Variants in SOBP observed in about 807,000 individuals in gnomAD.
SOBP encodes sine oculis-binding protein homolog.
Under a neutral mutation model 53.6 loss-of-function variants are expected in SOBP, and 4 were observed. The ratio of observed to expected loss-of-function variants is 0.07; its 90% CI spans 0.04 to 0.17. The LOEUF is 0.17. Ranked by LOEUF, SOBP falls within the 10% of genes least tolerant of loss-of-function variation. The pLI is 1.00. For missense variants in SOBP, 1,088 were observed against 1,204.7 expected (o/e 0.90, Z 1.43); for synonymous variants, 584 against 522.6 (o/e 1.12, Z -1.60).
intron 4 of SOBP, among the ~76,000 whole-genome samples, chr6:107,534,834 A>T (rs2114989807): frequency 6.6e-6 from 1 of 152,258 alleles, no homozygotes; most frequent in Middle Eastern, 3.4e-3. Context: ...CCCTGGGAGG[A>T]GCCAGTGAAT....
intron 6 of SOBP, among the ~76,000 whole-genome samples, chr6:107,657,935 G>A (rs1772137341): frequency 6.6e-6 from 1 of 152,106 alleles, no homozygotes; most frequent in Non-Finnish European, 1.5e-5. Flanking sequence ...TTTGGGTGAG[G>A]GCGTGGTGTA....
At chr6:107,543,440 C>T (rs1784209304) in intron 4 of SOBP, among the ~76,000 whole-genome samples, 1 of 152,184 alleles carries the variant, frequency 6.6e-6, no homozygotes, top group African/African-American at 2.4e-5. Context: ...ATGCTCATAC[C>T]TGAATTGGGA....
chr6:107,583,674 T>C (rs1391137336), intron 4 of SOBP, among the ~76,000 whole-genome samples: 2 of 152,074 alleles, frequency 1.3e-5, no homozygotes, highest in African/African-American at 2.4e-5. Flanking sequence ...TACAGGTGCA[T>C]GCCACCACAC....
intron 3 of SOBP, chr6:107,529,720 C>G: frequency 1.8e-6 from 1 of 562,504 alleles, no homozygotes; most frequent in Non-Finnish European, 2.3e-6. Context: ...TCTCAAACAA[C>G]TTCAGCAGGG....
intron 4 of SOBP, among the ~76,000 whole-genome samples, chr6:107,559,931 G>A (rs1281437680): frequency 2.4e-4 from 36 of 152,128 alleles, no homozygotes; most frequent in Admixed American, 6.5e-5. Flanking sequence ...AAGGAACTGT[G>A]TTCAATGCAC....
intron 4 of SOBP, among the ~76,000 whole-genome samples, chr6:107,539,632 C>G (rs904154514): frequency 1.3e-5 from 2 of 152,206 alleles, no homozygotes; most frequent in African/African-American, 4.8e-5. Context: ...GTGACTGCTT[C>G]TGCAGAGTGA....
intron 4 of SOBP, chr6:107,557,689 T>C (rs746134108): frequency 6.6e-6 from 1 of 152,228 alleles, no homozygotes; most frequent in Non-Finnish European, 1.5e-5. Context: ...TGGTTATTCA[T>C]GAATTGAGCT....
chr6:107,495,212 T>C (rs947821651), intron 1 of SOBP, among the ~76,000 whole-genome samples: 4 of 152,176 alleles, frequency 2.6e-5, no homozygotes, highest in Non-Finnish European at 5.9e-5. Flanking sequence ...GGACTAATGT[T>C]AGTGGGCACA....
intron 1 of SOBP, among the ~76,000 whole-genome samples, chr6:107,495,642 T>G (rs1198016836): frequency 6.6e-6 from 1 of 152,058 alleles, no homozygotes; most frequent in Non-Finnish European, 1.5e-5. Flanking sequence ...AAAGACAGAC[T>G]TATAGAAACC....
chr6:107,606,910 C>T (rs1158201697), intron 5 of SOBP, among the ~76,000 whole-genome samples: 2 of 152,192 alleles, frequency 1.3e-5, no homozygotes, highest in Non-Finnish European at 2.9e-5. Context: ...TTATCACCAC[C>T]CCCATCCCTT....
intron 5 of SOBP, among the ~76,000 whole-genome samples, chr6:107,600,798 A>G (rs1427492408): frequency 2.0e-5 from 3 of 152,212 alleles, no homozygotes; most frequent in Non-Finnish European, 2.9e-5. Context: ...CACATCATCA[A>G]TGCCATCTAT....
intron 5 of SOBP, among the ~76,000 whole-genome samples, chr6:107,627,711 T>A (rs1770525400): frequency 6.6e-6 from 1 of 152,238 alleles, no homozygotes; most frequent in Non-Finnish European, 1.5e-5. Flanking sequence ...AATCTAAACC[T>A]GCAGAAAGTT....
intron 1 of SOBP, among the ~76,000 whole-genome samples, chr6:107,500,551 T>G (rs12203940): frequency 1.3e-5 from 2 of 151,862 alleles, no homozygotes; most frequent in East Asian, 3.9e-4. Context: ...AGAAGGAATC[T>G]CTCTCTGTCG....
At chr6:107,581,637 C>G (rs1436831410) in intron 4 of SOBP, among the ~76,000 whole-genome samples, 1 of 152,196 alleles carries the variant, frequency 6.6e-6, no homozygotes, top group Non-Finnish European at 1.5e-5. Context: ...TGAGCTTCCT[C>G]AAGAGAACGT....
At chr6:107,651,056 A>G (rs1347151546) in intron 6 of SOBP, among the ~76,000 whole-genome samples, 1 of 152,200 alleles carries the variant, frequency 6.6e-6, no homozygotes, top group Admixed American at 6.5e-5. Flanking sequence ...GCTTGAGCCC[A>G]GGAGTTCAAG....
At chr6:107,569,254 T>G (rs990370170) in intron 4 of SOBP, among the ~76,000 whole-genome samples, 4 of 152,184 alleles carry the variant, frequency 2.6e-5, no homozygotes, top group African/African-American at 9.7e-5. Context: ...GCTGCAGGCT[T>G]CAGGATAAGA....
Position 107,634,822 on chromosome 6 carries a change from C to A in SOBP, c.1978C>A (p.His660Asn). Residue 660 changes from histidine (H) to asparagine (N), a missense_variant, in exon 6 of 7, where the codon CAC becomes AAC. Coordinates refer to ENST00000317357, the MANE Select transcript of SOBP (RefSeq NM_018013.4). This position sits in a 1 kb window ranked among gnomAD's most constrained non-coding sequence, Gnocchi z 4.5. ...QDGVIDLTVG[H>N]RARLHNVIHR... is the part of the protein sequence containing the mutation. Reference sequence around the variant, plus strand: ...CGGCGTCATCGACCTGACCGTGGGCCACCGAGCCCGGCTGCACAACGTGAT... The same window carrying A: ...CGGCGTCATCGACCTGACCGTGGGCAACCGAGCCCGGCTGCACAACGTGAT... 7.1e-7 allele frequency: 1 copy of A among 1,408,824 alleles called. No homozygotes were observed. The allele number at this position is 1,408,824 out of a possible 1,614,324, so 87.3% of individuals were successfully genotyped here.
At chr6:107,584,534 G>C (rs1785506758) in intron 4 of SOBP, among the ~76,000 whole-genome samples, 1 of 152,184 alleles carries the variant, frequency 6.6e-6, no homozygotes, top group African/African-American at 2.4e-5. Flanking sequence ...ATGGCTGAAG[G>C]ATAGAATTTC....
At chr6:107,623,501 G>A (rs1046007972) in intron 5 of SOBP, among the ~76,000 whole-genome samples, 1 of 152,098 alleles carries the variant, frequency 6.6e-6, no homozygotes, top group East Asian at 1.9e-4. Flanking sequence ...ATAAAGAAGG[G>A]TACCAATCCC....
Sources: gnomAD v4.1 joint callset for allele counts (sites outside exome capture counted in the v4.1 genomes callset) on GRCh38, gnomAD v4.1.1 for gene constraint, Gnocchi (gnomAD v3.1) non-coding constraint, MANE v1.5 for transcripts, NCBI Gene and HGNC (gene_info 2026-07-23, HGNC 2026-07-21) for gene names.